The following ULK4 variants were observed in gnomAD, a reference collection of about 807,000 sequenced individuals.
ULK4 encodes the protein inactive serine/threonine-protein kinase ULK4.
ULK4 carries 133 observed loss-of-function variants against 160.6 expected under a neutral mutation model. That is an observed-to-expected ratio of 0.83 (90% CI 0.72 to 0.96). The LOEUF is 0.96. ULK4 is among the 40% of genes least tolerant of loss of function. The probability of loss-of-function intolerance (pLI) is 0.00; values close to 1 mark genes in which losing one functional copy is unlikely to be tolerated. For missense variants in ULK4, 1,580 were observed against 1,499.5 expected (o/e 1.05, Z -0.89); for synonymous variants, 534 against 539.8 (o/e 0.99, Z 0.15).
At chr3:41,302,741 C>T (rs1253033944) in intron 35 of ULK4, among the ~76,000 whole-genome samples, 3 of 152,134 alleles carry the variant, frequency 2.0e-5, no homozygotes, top group Non-Finnish European at 2.9e-5. Flanking sequence ...TAATAAAAAG[C>T]TCTGATTCCA....
chr3:41,925,825 GA>G (rs1018111614), intron 5 of ULK4, among the ~76,000 whole-genome samples: 1 of 150,520 alleles, frequency 6.6e-6, no homozygotes, highest in East Asian at 1.9e-4. Flanking sequence ...CAGCATCTCT[GA>G]AAAAAAAAGG....
At position 41,591,291 on chromosome 3, in the gene ULK4, T is replaced by C. The variant is rs77751559; in HGVS notation, c.3120+24378A>G. 3.3e-3 allele frequency among the ~76,000 whole-genome samples: 507 copies of C among 152,152 alleles called. 3 individuals are homozygous for C. Among genetic ancestry groups the C allele is most frequent in the African/African-American group, 0.012 (484 of 41,490 alleles). On this transcript the variant is annotated intron_variant, in intron 31 of 36. Coordinates refer to ENST00000301831, the MANE Select transcript of ULK4 (RefSeq NM_017886.4). ...TAAAAACTTTTTCAGCAAACAAAAG[T>C]GGAAAGAATTCTTTACCAGTATCTC...
intron 17 of ULK4, among the ~76,000 whole-genome samples, chr3:41,841,538 G>A (rs552972457): frequency 6.9e-4 from 103 of 148,790 alleles, no homozygotes; most frequent in African/African-American, 2.2e-3. Context: ...GCCGCCCTTC[G>A]TCTGGGAGGT....
chr3:41,832,405 ATTTG>A (rs2041623547), intron 18 of ULK4, among the ~76,000 whole-genome samples: 1 of 151,958 alleles, frequency 6.6e-6, no homozygotes, highest in Admixed American at 6.6e-5. Context: ...TCTCTTGTAA[ATTTG>A]TTTAAGTTCC....
At chr3:41,409,188 G>A (rs1434852278) in intron 34 of ULK4, among the ~76,000 whole-genome samples, 4 of 152,192 alleles carry the variant, frequency 2.6e-5, no homozygotes, top group Non-Finnish European at 4.4e-5. Context: ...CCCAGGAGGC[G>A]GAGGTTGCAG....
At chr3:41,357,427 G>A (rs73831341) in intron 35 of ULK4, among the ~76,000 whole-genome samples, 5,912 of 152,188 alleles carry the variant, frequency 0.039, 303 homozygotes, top group East Asian at 0.19. Flanking sequence ...GGAGTGCTCG[G>A]CTGGCAGGAA....
intron 18 of ULK4, among the ~76,000 whole-genome samples, chr3:41,827,718 G>T (rs137878869): frequency 0.18 from 27,598 of 151,890 alleles, 2,550 homozygotes; most frequent in Middle Eastern, 0.31. Flanking sequence ...TCTACCAGAG[G>T]TACAAGGAGG....
At chr3:41,912,670 C>G in intron 9 of ULK4, 137 bp downstream of exon 9, 1 of 689,530 alleles carries the variant, frequency 1.5e-6, no homozygotes, top group Non-Finnish European at 2.4e-6. Context: ...TCAAGCAACC[C>G]TTAATTAAAC....
intron 27 of ULK4, among the ~76,000 whole-genome samples, chr3:41,684,825 G>A (rs1445494903): frequency 6.6e-6 from 1 of 152,196 alleles, no homozygotes; most frequent in Non-Finnish European, 1.5e-5. Flanking sequence ...ATCATTAAAA[G>A]AAAAGCACTT....
intron 35 of ULK4, among the ~76,000 whole-genome samples, chr3:41,258,924 A>G (rs2078889194): frequency 1.3e-5 from 2 of 151,482 alleles, no homozygotes; most frequent in South Asian, 4.2e-4. Flanking sequence ...ATAAACTTGG[A>G]AAGACAATTC....
chr3:41,790,620 A>G (rs954452582), intron 20 of ULK4, among the ~76,000 whole-genome samples: 1 of 152,196 alleles, frequency 6.6e-6, no homozygotes, highest in African/African-American at 2.4e-5. Context: ...AAAGATTCAA[A>G]CTTGAGAGAA....
At chr3:41,940,648 C>A (rs1699919892) in intron 2 of ULK4, among the ~76,000 whole-genome samples, 1 of 151,996 alleles carries the variant, frequency 6.6e-6, no homozygotes, top group Admixed American at 6.6e-5. Flanking sequence ...GACAGCAAGA[C>A]CCCACCTCCA....
chr3:41,880,811 C>T (rs898307278), intron 17 of ULK4, among the ~76,000 whole-genome samples: 3 of 152,118 alleles, frequency 2.0e-5, no homozygotes, highest in African/African-American at 7.2e-5. Flanking sequence ...GTGGTCCAAG[C>T]TACTCGTGAA....
chr3:41,804,045 G>C (rs1301382291), intron 19 of ULK4, among the ~76,000 whole-genome samples: 80 of 151,950 alleles, frequency 5.3e-4, no homozygotes, highest in Admixed American at 2.0e-3. Flanking sequence ...GTTCTAGATC[G>C]CTCAGGAATT....
chr3:41,598,196 T>C (rs923940320), intron 31 of ULK4, among the ~76,000 whole-genome samples: 13 of 152,066 alleles, frequency 8.5e-5, no homozygotes, highest in African/African-American at 2.9e-4. Context: ...CCAGACGGAG[T>C]TGGAAACACC....
chr3:41,526,740 A>G (rs978208803), intron 32 of ULK4, among the ~76,000 whole-genome samples: 1 of 152,224 alleles, frequency 6.6e-6, no homozygotes. Context: ...TATACTGCCC[A>G]TATTTCTAGA....
chr3:41,868,115 A>G (rs1227281627), intron 17 of ULK4, among the ~76,000 whole-genome samples: 1 of 152,170 alleles, frequency 6.6e-6, no homozygotes, highest in Non-Finnish European at 1.5e-5. Flanking sequence ...CATTCTATAA[A>G]TGTTATTTCA....
At chr3:41,562,190 C>T (rs1315543656) in intron 32 of ULK4, among the ~76,000 whole-genome samples, 2 of 152,188 alleles carry the variant, frequency 1.3e-5, no homozygotes, top group Non-Finnish European at 2.9e-5. Context: ...TTTCCTAATC[C>T]TGAGTTCTAA....
intron 35 of ULK4, among the ~76,000 whole-genome samples, chr3:41,321,254 AAC>A (rs1246856523): frequency 1.3e-5 from 2 of 152,140 alleles, no homozygotes; most frequent in African/African-American, 4.8e-5. Flanking sequence ...GCCTGTTGGA[AAC>A]TCAGCATTAG....
Sources: gnomAD v4.1 joint callset for allele counts (sites outside exome capture counted in the v4.1 genomes callset) on GRCh38, gnomAD v4.1.1 for gene constraint, MANE v1.5 for transcripts, NCBI Gene and HGNC (gene_info 2026-07-23, HGNC 2026-07-21) for gene names.